Variants in REV1 observed in about 807,000 individuals in gnomAD.
The protein encoded by REV1 is translesion synthesis protein REV1.
In REV1, 42 loss-of-function variants were observed where a neutral mutation model predicts 137.4. That is an observed-to-expected ratio of 0.31 (90% CI 0.24 to 0.40). The LOEUF (loss-of-function observed/expected upper bound fraction) is 0.40, where lower values mean the gene tolerates loss of function less well. Ranked by LOEUF, REV1 falls within the 10% of genes least tolerant of loss-of-function variation. REV1 has a pLI of 1.00. For synonymous variants in REV1, 524 were observed against 519.2 expected, an observed-to-expected ratio of 1.01 and a Z score of -0.12; for missense variants, 1,282 against 1,490.1, an observed-to-expected ratio of 0.86 and a Z score of 2.30.
chr2:99,420,583 T>A (rs1678526835), intron 11 of REV1, among the ~76,000 whole-genome samples: 1 of 152,230 alleles, frequency 6.6e-6, no homozygotes, highest in Admixed American at 6.5e-5. Context: ...GCTTCCCCAG[T>A]AGTCCTGTGT....
chr2:99,481,732 G>A (rs549690899), intron 1 of REV1, among the ~76,000 whole-genome samples: 3 of 152,120 alleles, frequency 2.0e-5, no homozygotes, highest in East Asian at 1.9e-4. Flanking sequence ...AGCCAGGTGC[G>A]GTGGTGTGTG....
chr2:99,482,205 G>A (rs1367204128), intron 1 of REV1, among the ~76,000 whole-genome samples: 3 of 152,244 alleles, frequency 2.0e-5, no homozygotes, highest in Non-Finnish European at 4.4e-5. Flanking sequence ...TGTAGAGTAA[G>A]TGAGGTTTCC....
At chr2:99,434,721 T>G (rs1184572675) in intron 7 of REV1, among the ~76,000 whole-genome samples, 3 of 152,190 alleles carry the variant, frequency 2.0e-5, no homozygotes, top group Admixed American at 6.6e-5. Context: ...CCTTCCATGG[T>G]TTTTGTTTGA....
chr2:99,453,293 A>T (rs1377962860), intron 3 of REV1, among the ~76,000 whole-genome samples: 1 of 151,294 alleles, frequency 6.6e-6, no homozygotes, highest in Non-Finnish European at 1.5e-5. Context: ...CAGGAGGTAG[A>T]GGTTGCAATG....
chr2:99,431,650 G>A (rs1680147346), intron 8 of REV1: 2 of 802,714 alleles, frequency 2.5e-6, no homozygotes, highest in African/African-American at 1.9e-5. Flanking sequence ...ACTTATGCTT[G>A]AGGAGAGAAC....
chr2:99,482,079 G>A (rs7571186), intron 1 of REV1, among the ~76,000 whole-genome samples: 4,217 of 152,318 alleles, frequency 0.028, 144 homozygotes, highest in African/African-American at 0.081. Context: ...TGAATAGTGG[G>A]TTGGGCTTTG....
chr2:99,468,965 A>C (rs911983987), intron 1 of REV1, among the ~76,000 whole-genome samples: 5 of 152,234 alleles, frequency 3.3e-5, no homozygotes, highest in African/African-American at 1.2e-4. Flanking sequence ...TAATGATAAC[A>C]GTAGACTAGA....
intron 3 of REV1, among the ~76,000 whole-genome samples, chr2:99,454,550 C>A (rs1371364406): frequency 6.1e-5 from 5 of 82,368 alleles, no homozygotes; most frequent in Admixed American, 1.4e-4. Flanking sequence ...AACTCCAGCT[C>A]AAAAAAAAAA....
intron 8 of REV1, chr2:99,431,748 A>G: frequency 1.0e-6 from 1 of 985,458 alleles, no homozygotes; most frequent in Non-Finnish European, 1.2e-6. Flanking sequence ...GACCTGTTCC[A>G]CAGTGCAGCA....
chr2:99,416,930 A>AAG (rs1553544212), intron 12 of REV1, among the ~76,000 whole-genome samples: 6 of 151,200 alleles, frequency 4.0e-5, no homozygotes, highest in South Asian at 2.1e-4. Flanking sequence ...AAAAAAAAAA[A>AAG]AAAGAAATAA....
At chr2:99,485,826 T>C (rs995379134) in intron 1 of REV1, among the ~76,000 whole-genome samples, 1 of 152,184 alleles carries the variant, frequency 6.6e-6, no homozygotes, top group East Asian at 1.9e-4. Context: ...GTAATAAATA[T>C]AAAATTTAGC....
chr2:99,412,973 A>C (rs1559299937), intron 12 of REV1, 22 bp from the exon 13 acceptor site: 1 of 1,536,814 alleles, frequency 6.5e-7, no homozygotes, highest in East Asian at 2.2e-5. Context: ...AATATAGTTA[A>C]GTATGCAGAA....
At chr2:99,454,466 C>G (rs1327017713) in intron 3 of REV1, among the ~76,000 whole-genome samples, 1 of 147,058 alleles carries the variant, frequency 6.8e-6, no homozygotes, top group East Asian at 2.1e-4. Flanking sequence ...AGGAGAACCA[C>G]TGGAACCCAG....
rs540197346 is a variant in REV1, at chr2:99,462,692, A to T, written c.55-70T>A. The T allele has an allele frequency of 1.0e-3, 1,468 of 1,467,382 alleles. 2 individuals carry two copies. The highest frequency in any genetic ancestry group is 4.9e-3 in the South Asian group (397 of 80,320). The allele number at this position is 1,467,382 out of a possible 1,614,324, so 90.9% of individuals were successfully genotyped here. ...CTCCCCCCTTTTTTGAAAAAAAAAA[A>T]TTTTAAAAACTAAATAAATAAATGG... On this transcript the variant is annotated intron_variant, in intron 2 of 22. Coordinates refer to ENST00000258428, the MANE Select transcript of REV1 (RefSeq NM_016316.4).
chr2:99,439,394 TAC>T, intron 5 of REV1, 84 bp from the exon 6 acceptor site: 14 of 919,990 alleles, frequency 1.5e-5, no homozygotes, highest in Non-Finnish European at 3.2e-6. Flanking sequence ...TTCTTAGTGG[TAC>T]ACAGTTTGGT....
chr2:99,466,908 C>T (rs1056907806), intron 1 of REV1, among the ~76,000 whole-genome samples: 7 of 152,130 alleles, frequency 4.6e-5, no homozygotes, highest in Admixed American at 6.6e-5. Flanking sequence ...TTTGTCCAGT[C>T]CCAACAGACT....
chr2:99,424,109 G>C (rs1221207461), intron 10 of REV1, 43 bp downstream of exon 10: 1 of 1,593,022 alleles, frequency 6.3e-7, no homozygotes, highest in East Asian at 2.3e-5. Flanking sequence ...TTAGCTAAAA[G>C]AAGGAAAACA....
chr2:99,421,311 T>C (rs998413460), intron 11 of REV1, among the ~76,000 whole-genome samples, 188 bp downstream of exon 11: 8 of 152,062 alleles, frequency 5.3e-5, no homozygotes, highest in South Asian at 4.2e-4. Context: ...AACTTATTTA[T>C]TGCGAAGATT....
intron 1 of REV1, among the ~76,000 whole-genome samples, chr2:99,469,012 A>T (rs1263368247): frequency 1.3e-5 from 2 of 152,226 alleles, no homozygotes; most frequent in Non-Finnish European, 2.9e-5. Context: ...CTGCCTAACA[A>T]TGTGATTCAG....
Sources: allele counts gnomAD v4.1 joint callset (sites outside exome capture counted in the v4.1 genomes callset), GRCh38; gene constraint gnomAD v4.1.1; transcripts MANE v1.5; gene names NCBI Gene and HGNC (gene_info 2026-07-23, HGNC 2026-07-21).